The following SETBP1 variants were observed in gnomAD, a reference collection of about 807,000 sequenced individuals.
SETBP1 encodes the protein SET binding protein 1.
SETBP1 carries 9 observed loss-of-function variants against 101.0 expected under a neutral mutation model. The observed-to-expected ratio is 0.09, with a 90% CI of 0.05 to 0.16. The LOEUF is 0.16. SETBP1 is among the 10% of genes least tolerant of loss of function. The pLI is 1.00. For synonymous variants in SETBP1, 818 were observed against 788.5 expected, an observed-to-expected ratio of 1.04 and a Z score of -0.63; for missense variants, 1,858 against 2,033.8, an observed-to-expected ratio of 0.91 and a Z score of 1.66.
At chr18:44,915,179 C>T (rs1009817603) in intron 3 of SETBP1, among the ~76,000 whole-genome samples, 9 of 152,176 alleles carry the variant, frequency 5.9e-5, no homozygotes, top group African/African-American at 2.2e-4. Context: ...CACAGGGAAA[C>T]CTTTGCTCAC....
At chr18:45,008,620 G>A (rs1187716000) in intron 4 of SETBP1, among the ~76,000 whole-genome samples, 1 of 152,194 alleles carries the variant, frequency 6.6e-6, no homozygotes, top group Non-Finnish European at 1.5e-5. Flanking sequence ...AGGCAAAATA[G>A]TTCAGATATC....
intron 2 of SETBP1, among the ~76,000 whole-genome samples, chr18:44,836,131 T>TC (rs1599196617): frequency 6.6e-6 from 1 of 151,768 alleles, no homozygotes; most frequent in Non-Finnish European, 1.5e-5. Context: ...TTTTTTTTTT[T>TC]ATTGTAAATG....
chr18:44,758,015 C>T (rs903337884), intron 2 of SETBP1, among the ~76,000 whole-genome samples: 4 of 152,094 alleles, frequency 2.6e-5, no homozygotes, highest in African/African-American at 7.2e-5. Flanking sequence ...ATTGTCTCAG[C>T]GAGTACTAAG....
At chr18:44,941,143 G>A (rs923874763) in intron 3 of SETBP1, among the ~76,000 whole-genome samples, 19 of 141,200 alleles carry the variant, frequency 1.3e-4, no homozygotes, top group South Asian at 2.3e-4. Context: ...GTGCAGTGGC[G>A]CCATCTCACC....
chr18:44,712,181 C>T (rs2069362146), intron 2 of SETBP1, among the ~76,000 whole-genome samples: 1 of 152,186 alleles, frequency 6.6e-6, no homozygotes, highest in Non-Finnish European at 1.5e-5. Context: ...GTGGTTCCCT[C>T]CCTCCCCCAC....
At chr18:45,029,199 G>A (rs2073236785) in intron 4 of SETBP1, among the ~76,000 whole-genome samples, 1 of 152,164 alleles carries the variant, frequency 6.6e-6, no homozygotes, top group South Asian at 2.1e-4. Flanking sequence ...TGTGGTGTAA[G>A]GAAGGGATCC....
At chr18:44,786,978 C>T (rs768842887) in intron 2 of SETBP1, among the ~76,000 whole-genome samples, 10 of 152,226 alleles carry the variant, frequency 6.6e-5, no homozygotes, top group Admixed American at 1.3e-4. Context: ...GAAGAGGAGA[C>T]GAAAGATGCT....
At chr18:45,053,804 C>G (rs1360435770) in intron 5 of SETBP1, among the ~76,000 whole-genome samples, 1 of 151,868 alleles carries the variant, frequency 6.6e-6, no homozygotes, top group African/African-American at 2.4e-5. Flanking sequence ...GAAAATGTCT[C>G]ACAATCAGGT....
chr18:44,884,262 A>G (rs2069592876), intron 3 of SETBP1, among the ~76,000 whole-genome samples: 1 of 152,220 alleles, frequency 6.6e-6, no homozygotes, highest in Non-Finnish European at 1.5e-5. Context: ...TCATGCATGC[A>G]ATGGAGGGAA....
At chr18:44,822,560 G>A (rs1002421578) in intron 2 of SETBP1, among the ~76,000 whole-genome samples, 5 of 152,188 alleles carry the variant, frequency 3.3e-5, no homozygotes, top group Admixed American at 6.5e-5. Context: ...GGGAAGATGC[G>A]TAGATGATTA....
At chr18:44,937,359 G>C (rs2070984067) in intron 3 of SETBP1, among the ~76,000 whole-genome samples, 1 of 150,456 alleles carries the variant, frequency 6.6e-6, no homozygotes, top group Admixed American at 6.7e-5. Flanking sequence ...GGAGGCTGAG[G>C]CAGGAGAATG....
chr18:44,911,414 G>T (rs2070306138), intron 3 of SETBP1, among the ~76,000 whole-genome samples: 1 of 152,126 alleles, frequency 6.6e-6, no homozygotes, highest in Non-Finnish European at 1.5e-5. Flanking sequence ...CACTACTCTG[G>T]TTCTTCGTCC....
rs549523292 is a variant in SETBP1 at position 45,006,531 on chromosome 18, C to T, written c.4001-31954C>T. The stretch of plus-strand genomic sequence containing the variant: ...TTGAGAGAGGCTGTTCCATGCTTCT[C>T]TCCTTGCATTTGGTGGTTTGCTGGC... On this transcript the variant is annotated intron_variant, in intron 4 of 5. Transcript: ENST00000649279. Among the ~76,000 whole-genome samples, 12 of 152,312 alleles carry T rather than the reference C, an allele frequency of 7.9e-5. No homozygotes were observed. In the South Asian group the frequency reaches 8.3e-4, roughly 11 times the overall value.
chr18:44,868,708 AAGGG>A (rs1458538169), intron 2 of SETBP1, among the ~76,000 whole-genome samples: 748 of 6,104 alleles, frequency 0.12, 67 homozygotes, highest in African/African-American at 0.28. Context: ...GGACGGAAGG[AAGGG>A]AGGAAGGAAG....
chr18:44,859,911 C>T lies in SETBP1; in HGVS notation c.487-9319C>T, dbSNP rs555609076. ...CACCTGTAATCATGATTAATTGCTC[C>T]AGATTTGGCCGAGGGACCCAGATTC... On this transcript the variant is annotated intron_variant, in intron 2 of 5. Transcript: ENST00000649279. 3.2e-4 allele frequency among the ~76,000 whole-genome samples: 48 copies of T among 152,302 alleles called. No homozygotes were observed. The South Asian group carries it at 5.2e-3, about 16-fold the overall frequency.
At chr18:44,919,925 G>C (rs1224781963) in intron 3 of SETBP1, among the ~76,000 whole-genome samples, 1 of 152,056 alleles carries the variant, frequency 6.6e-6, no homozygotes, top group African/African-American at 2.4e-5. Context: ...TGGGTTGTTT[G>C]TTTTCCTATC....
In SETBP1 at chr18:44,875,227, A is replaced by G. The variant is rs2069370077; in HGVS notation, c.540+5944A>G. ...ACAAGTTCAGCATCAACACTTAGAAAGAGTAAAATTGGGCCGGGTGCGGTG... is the reference window on the plus strand; with the variant it reads ...ACAAGTTCAGCATCAACACTTAGAAGGAGTAAAATTGGGCCGGGTGCGGTG... On this transcript the variant is annotated intron_variant, in intron 3 of 5. Coordinates refer to ENST00000649279, the MANE Select transcript of SETBP1 (RefSeq NM_015559.3). Among the ~76,000 whole-genome samples, 3 of 152,298 alleles carry G rather than the reference A, an allele frequency of 2.0e-5. No individual in the cohort carries two copies. The South Asian group carries it at 6.2e-4, about 32-fold the overall frequency.
chr18:44,936,296 C>T (rs1420583917), intron 3 of SETBP1, among the ~76,000 whole-genome samples: 1 of 152,154 alleles, frequency 6.6e-6, no homozygotes, highest in Non-Finnish European at 1.5e-5. Context: ...GGGTCCTCGG[C>T]ACTTGAACAG....
At chr18:45,039,325 C>T (rs540761322) in intron 5 of SETBP1, among the ~76,000 whole-genome samples, 2 of 152,310 alleles carry the variant, frequency 1.3e-5, no homozygotes, top group South Asian at 4.1e-4. Context: ...CACAGTGCCT[C>T]CCACCAGCCC....
Sources: allele counts gnomAD v4.1 joint callset (sites outside exome capture counted in the v4.1 genomes callset), GRCh38; gene constraint gnomAD v4.1.1; transcripts MANE v1.5; gene names NCBI Gene and HGNC (gene_info 2026-07-23, HGNC 2026-07-21).